Variants in UBE2L6 observed in about 807,000 individuals in gnomAD.
UBE2L6 encodes the protein ubiquitin conjugating enzyme E2 L6, also known as ubiquitin/ISG15-conjugating enzyme E2 L6.
In UBE2L6, 11 loss-of-function variants were observed where a neutral mutation model predicts 13.6. The observed-to-expected ratio is 0.81, with a 90% CI of 0.51 to 1.34. The LOEUF (loss-of-function observed/expected upper bound fraction) is 1.34. Ranked by LOEUF, UBE2L6 falls within the 40% of genes most tolerant of loss-of-function variation. The pLI is 0.00. For synonymous variants in UBE2L6, 74 were observed against 83.2 expected (o/e 0.89, Z 0.60); for missense variants, 197 against 199.5 (o/e 0.99, Z 0.07).
Position 57,552,511 on chromosome 11 carries a change from T to C in UBE2L6, c.311-2A>G. 6.2e-7 allele frequency: 1 copy of C among 1,614,072 alleles called. No individual in the cohort carries two copies. Among genetic ancestry groups the C allele is most frequent in the East Asian group, 2.2e-5 (1 of 44,880 alleles). On this transcript the variant is annotated splice_acceptor_variant, in intron 3 of 3. Transcript: ENST00000287156. LOFTEE classifies it high-confidence loss of function. Reference sequence around the variant, plus strand: ...CCAGCACATTGAGGGCCTCCAGGACTGGGGAGAGACAGGCCAGATCAGGAT... The same window carrying C: ...CCAGCACATTGAGGGCCTCCAGGACCGGGGAGAGACAGGCCAGATCAGGAT...
intron 2 of UBE2L6, among the ~76,000 whole-genome samples, chr11:57,557,498 G>A (rs764476203): frequency 4.6e-5 from 7 of 150,934 alleles, no homozygotes; most frequent in Non-Finnish European, 8.8e-5. Flanking sequence ...AGGTTCAAGC[G>A]ATTCTCCTGC....
intron 1 of UBE2L6, among the ~76,000 whole-genome samples, chr11:57,560,989 T>C (rs1945041610): frequency 6.6e-6 from 1 of 152,052 alleles, no homozygotes; most frequent in Non-Finnish European, 1.5e-5. Context: ...AGGTACTAGG[T>C]GCAGGGAAAA....
chr11:57,561,470 G>C (rs1945046800), intron 1 of UBE2L6, among the ~76,000 whole-genome samples: 1 of 152,140 alleles, frequency 6.6e-6, no homozygotes, highest in Admixed American at 6.5e-5. Flanking sequence ...AATGTGTATG[G>C]ATATACGGTA....
intron 1 of UBE2L6, among the ~76,000 whole-genome samples, chr11:57,566,496 C>T (rs952705007): frequency 5.3e-5 from 8 of 152,342 alleles, no homozygotes; most frequent in South Asian, 2.1e-4. Flanking sequence ...CACAGAACTG[C>T]TGTGCGAATT....
At chr11:57,556,946 C>T (rs1488216614) in intron 2 of UBE2L6, among the ~76,000 whole-genome samples, 3 of 151,720 alleles carry the variant, frequency 2.0e-5, no homozygotes, top group Admixed American at 6.6e-5. Flanking sequence ...GGTAGCTGGG[C>T]GTGGTAGCAT....
intron 1 of UBE2L6, among the ~76,000 whole-genome samples, chr11:57,564,203 G>T (rs1255933582): frequency 6.6e-6 from 1 of 152,148 alleles, no homozygotes; most frequent in Non-Finnish European, 1.5e-5. Flanking sequence ...CCTAACAGCA[G>T]CAAGAGAAAA....
intron 2 of UBE2L6, among the ~76,000 whole-genome samples, chr11:57,559,337 T>A (rs932691021): frequency 1.3e-5 from 2 of 152,006 alleles, no homozygotes. Flanking sequence ...TCCTGCCGGG[T>A]GTGGTGGCTC....
chr11:57,555,063 G>C (rs779364481), intron 2 of UBE2L6, among the ~76,000 whole-genome samples: 1 of 152,186 alleles, frequency 6.6e-6, no homozygotes, highest in East Asian at 1.9e-4. Context: ...AGGAGCTTAG[G>C]AAAATAAAAT....
Position 57,552,343 on chromosome 11 carries a change from G to T in UBE2L6, c.*15C>A, listed in dbSNP as rs200226904. 18 of 1,613,980 alleles carry T rather than the reference G, an allele frequency of 1.1e-5. No individual in the cohort carries two copies. The East Asian group carries it at 4.0e-4, about 36-fold the overall frequency. On this transcript the variant is annotated 3_prime_UTR_variant, in exon 4 of 4. Coordinates refer to ENST00000287156, the MANE Select transcript of UBE2L6 (RefSeq NM_004223.5). ...CTATGCCGAGGATCCAGTGCACAGA[G>T]GGTCAGAACATGAGTTAGGAGGGCC...
chr11:57,565,868 CA>C (rs1316680454), intron 1 of UBE2L6, among the ~76,000 whole-genome samples: 1 of 152,164 alleles, frequency 6.6e-6, no homozygotes, highest in African/African-American at 2.4e-5. Flanking sequence ...ACCCAGTCCA[CA>C]AGTGGGGAGG....
At position 57,554,422 on chromosome 11, in the gene UBE2L6, A is replaced by G; in HGVS notation, c.310+15T>C. The G allele has an allele frequency of 6.2e-7, 1 of 1,612,450 alleles. No individual in the cohort carries two copies. The highest frequency in any genetic ancestry group is 8.5e-7 in the Non-Finnish European group (1 of 1,178,872). ...CCCAGTATCAGTCCCTCCTCCAAGC[A>G]AAGCCCAACCCCACCTTGGCAAGTC... On this transcript the variant is annotated intron_variant, in intron 3 of 3. Transcript: ENST00000287156.
chr11:57,562,012 G>A (rs779974177), intron 1 of UBE2L6, among the ~76,000 whole-genome samples: 11 of 152,220 alleles, frequency 7.2e-5, no homozygotes, highest in Admixed American at 3.9e-4. Context: ...GTCATAAATC[G>A]GGAGAGTGGA....
chr11:57,559,292 C>A (rs914146060), intron 2 of UBE2L6, among the ~76,000 whole-genome samples: 1 of 152,098 alleles, frequency 6.6e-6, no homozygotes, highest in Non-Finnish European at 1.5e-5. Context: ...GAAGACGACA[C>A]AACCTAGGCC....
chr11:57,561,912 C>T (rs1005884186), intron 1 of UBE2L6, among the ~76,000 whole-genome samples: 8 of 152,200 alleles, frequency 5.3e-5, no homozygotes, highest in African/African-American at 1.9e-4. Context: ...TTCTCTGGAA[C>T]AATGAATTGG....
intron 3 of UBE2L6, among the ~76,000 whole-genome samples, chr11:57,553,954 C>T (rs913934422): frequency 6.6e-6 from 1 of 152,164 alleles, no homozygotes; most frequent in African/African-American, 2.4e-5. Context: ...CTCAGATGTC[C>T]GGGTCTACTA....
intron 2 of UBE2L6, 80 bp downstream of exon 2, chr11:57,560,257 G>A: frequency 9.0e-7 from 1 of 1,110,394 alleles, no homozygotes; most frequent in East Asian, 2.4e-5. Context: ...GAAAATTCTT[G>A]CCTAGTCCTA....
intron 2 of UBE2L6, among the ~76,000 whole-genome samples, chr11:57,558,968 C>T (rs1322984244): frequency 1.3e-5 from 2 of 152,242 alleles, no homozygotes; most frequent in Non-Finnish European, 2.9e-5. Flanking sequence ...CTGGGGCGCA[C>T]TTAACCACCT....
chr11:57,560,352 G>T lies in UBE2L6; in HGVS notation c.108C>A (p.His36Gln), dbSNP rs1802110. ...SSDDANVLVW[H>Q]ALLLPDQPPY... Reference sequence around the variant, plus strand: ...GGATACTCACGGGTAGGAGGAGAGCGTGCCACACCAGGACATTGGCATCAT... The same window carrying T: ...GGATACTCACGGGTAGGAGGAGAGCTTGCCACACCAGGACATTGGCATCAT... Residue 36 changes from histidine to glutamine, a missense_variant, in exon 2 of 4, where the codon CAC becomes CAA. By Grantham distance (24) the His-to-Gln change is conservative. Coordinates refer to ENST00000287156, the MANE Select transcript of UBE2L6 (RefSeq NM_004223.5). 2.5e-6 allele frequency: 4 copies of T among 1,613,936 alleles called. No homozygotes were observed. The highest frequency in any genetic ancestry group is 1.7e-5 in the Admixed American group (1 of 60,024).
At chr11:57,566,942 T>TTCCC (rs1351999748) in intron 1 of UBE2L6, 2 of 193,390 alleles carry the variant, frequency 1.0e-5, no homozygotes, top group Non-Finnish European at 2.0e-5. Flanking sequence ...TGTTCATCTC[T>TTCCC]GCCCGCCCCC....
Sources: gnomAD v4.1 joint callset for allele counts (sites outside exome capture counted in the v4.1 genomes callset) on GRCh38, gnomAD v4.1.1 for gene constraint, MANE v1.5 for transcripts, NCBI Gene and HGNC (gene_info 2026-07-23, HGNC 2026-07-21) for gene names.